SEC22C: variants seen among roughly 807,000 people sequenced by gnomAD.
The protein encoded by SEC22C is vesicle-trafficking protein SEC22c.
Under a neutral mutation model 34.7 loss-of-function variants are expected in SEC22C, and 29 were observed. The observed-to-expected ratio is 0.84, with a 90% CI of 0.62 to 1.14. SEC22C has a LOEUF of 1.14. Among genes scored for constraint, SEC22C ranks in the 50% most tolerant of loss-of-function variants. The pLI is 0.00. For missense variants in SEC22C, 337 were observed against 369.0 expected, an observed-to-expected ratio of 0.91 and a Z score of 0.71; for synonymous variants, 117 against 132.8, an observed-to-expected ratio of 0.88 and a Z score of 0.82.
chr3:42,559,319 T>G (rs7616701), intron 4 of SEC22C, among the ~76,000 whole-genome samples: 20,876 of 152,188 alleles, frequency 0.14, 1,830 homozygotes, highest in African/African-American at 0.24. Context: ...ATAGGGTAAA[T>G]CAAATCACAG....
intron 3 of SEC22C, among the ~76,000 whole-genome samples, chr3:42,562,150 A>G (rs1300562422): frequency 6.6e-6 from 1 of 152,258 alleles, no homozygotes; most frequent in Admixed American, 6.5e-5. Flanking sequence ...ACAAACTGGC[A>G]AAGCAAAATC....
chr3:42,560,242 T>C (rs974712828), intron 4 of SEC22C, among the ~76,000 whole-genome samples: 1 of 147,266 alleles, frequency 6.8e-6, no homozygotes, highest in Non-Finnish European at 1.5e-5. Flanking sequence ...AAGTAACTTA[T>C]AGAAAAAGAG....
Position 42,547,994 on chromosome 3 carries a change from G to A in SEC22C, c.*5254C>T, listed in dbSNP as rs1702075284. On this transcript the variant is annotated 3_prime_UTR_variant, in exon 7 of 7. Transcript: ENST00000264454. The stretch of plus-strand genomic sequence containing the variant: ...TTAATAAACACTTTAGATTTATTCT[G>A]CCATTTCTGAAGCCACCTCATTTAA... 1 of 152,224 alleles carries A rather than the reference G, an allele frequency of 6.6e-6. No individual in the cohort carries two copies. Among genetic ancestry groups the A allele is most frequent in the Non-Finnish European group, 1.5e-5 (1 of 68,102 alleles). The allele number at this position is 152,224 out of a possible 1,614,324, so 9.4% of individuals were successfully genotyped here.
chr3:42,600,939 CG>C, intron 1 of SEC22C: 1 of 1,254,938 alleles, frequency 8.0e-7, no homozygotes. Context: ...CCCTCGCCCC[CG>C]CCCTCGCCCC....
At chr3:42,554,945 C>T (rs929280734) in intron 6 of SEC22C, among the ~76,000 whole-genome samples, 4 of 151,932 alleles carry the variant, frequency 2.6e-5, no homozygotes, top group African/African-American at 4.8e-5. Flanking sequence ...TCCTAAAGAA[C>T]AGGTCTGAGT....
intron 1 of SEC22C, chr3:42,600,944 T>G: frequency 9.4e-7 from 1 of 1,068,940 alleles, no homozygotes; most frequent in Non-Finnish European, 1.3e-6. Flanking sequence ...GCCCCCGCCC[T>G]CGCCCCTGCC....
At position 42,565,116 on chromosome 3, in the gene SEC22C, T is replaced by C. The variant is rs149523648; in HGVS notation, c.183-1430A>G. Among the ~76,000 whole-genome samples, 1,138 of 152,304 alleles carry C rather than the reference T, an allele frequency of 7.5e-3. 5 individuals are homozygous for C. The highest frequency in any genetic ancestry group is 0.011 in the Non-Finnish European group (741 of 68,020). On this transcript the variant is annotated intron_variant, in intron 2 of 6. Coordinates refer to ENST00000264454, the MANE Select transcript of SEC22C (RefSeq NM_032970.4). ...AAGCCCAAACCAAGCTCCAATTTTA[T>C]GGTGACTGAATGCCAGGAGCCTCAC...
chr3:42,553,628 GT>G (rs1702360853), intron 6 of SEC22C, among the ~76,000 whole-genome samples, 180 bp from the exon 7 acceptor site: 1 of 152,204 alleles, frequency 6.6e-6, no homozygotes, highest in South Asian at 2.1e-4. Context: ...TTGGACGAAA[GT>G]GAGGATTTGG....
intron 1 of SEC22C, among the ~76,000 whole-genome samples, chr3:42,572,044 T>C (rs1012330600): frequency 6.6e-6 from 1 of 151,660 alleles, no homozygotes; most frequent in African/African-American, 2.4e-5. Context: ...AAAATAAAAA[T>C]AAAAATTCTG....
At chr3:42,555,436 C>T (rs1702476507) in intron 6 of SEC22C, among the ~76,000 whole-genome samples, 1 of 152,180 alleles carries the variant, frequency 6.6e-6, no homozygotes, top group African/African-American at 2.4e-5. Flanking sequence ...GTGATCCTCC[C>T]ACCTTGGCCT....
chr3:42,562,022 A>G (rs1702949764), intron 3 of SEC22C, among the ~76,000 whole-genome samples: 1 of 152,188 alleles, frequency 6.6e-6, no homozygotes, highest in Non-Finnish European at 1.5e-5. Flanking sequence ...TGAAAAAAAA[A>G]TACAAATGAA....
At chr3:42,553,529 T>G (rs1702354108) in intron 6 of SEC22C, 81 bp from the exon 7 acceptor site, 5 of 1,526,954 alleles carry the variant, frequency 3.3e-6, no homozygotes, top group Non-Finnish European at 4.4e-6. Flanking sequence ...TCCCACAGCT[T>G]CCATGAAGAG....
chr3:42,595,622 T>C (rs1227595199), intron 1 of SEC22C, among the ~76,000 whole-genome samples: 1 of 152,250 alleles, frequency 6.6e-6, no homozygotes, highest in Non-Finnish European at 1.5e-5. Context: ...TTTATCATTC[T>C]TTCTGACTTT....
In SEC22C at chr3:42,557,708, A is replaced by T; in HGVS notation, c.527-12T>A. ...TCGGAAATTAGGAGCTTCACAATGG[A>T]AAAAAAACAAGTGTCTAGTGTAAGT... On this transcript the variant is annotated splice_polypyrimidine_tract_variant and intron_variant, in intron 4 of 6. Coordinates refer to ENST00000264454, the MANE Select transcript of SEC22C (RefSeq NM_032970.4). The T allele has an allele frequency of 1.5e-6, 2 of 1,379,254 alleles. No individual in the cohort carries two copies. Among genetic ancestry groups the T allele is most frequent in the Non-Finnish European group, 2.1e-6 (2 of 975,206 alleles). The allele number at this position is 1,379,254 out of a possible 1,614,324, so 85.4% of individuals were successfully genotyped here. A position where few individuals can be genotyped will look rare whatever the true frequency, so the allele number is the denominator to read the frequency against.
chr3:42,591,201 C>CTTTTTTTT lies in SEC22C; in HGVS notation c.-28+9751_-28+9758dup, dbSNP rs71616053. The CTTTTTTTT allele has an allele frequency of 5.1e-3, 2,476 of 487,138 alleles. 7 individuals are homozygous for CTTTTTTTT. Among genetic ancestry groups the CTTTTTTTT allele is most frequent in the South Asian group, 0.013 (525 of 40,026 alleles). The allele number at this position is 487,138 out of a possible 1,614,324, so 30.2% of individuals were successfully genotyped here. On this transcript the variant is annotated intron_variant, in intron 1 of 6. Transcript: ENST00000417572. ...TCACACTGCACTAACCCTTTCTCTC[C>CTTTTTTTT]TTTTTTTTTTTTTTTTGAGACGGAG...
Position 42,549,713 on chromosome 3 carries a change from C to CT in SEC22C, c.*3534dup. ...CCTCCAGAGACTCCAGTTTCAGACTCTGTCTCCAGAGCTGGAATGTATAGG... is the reference window on the plus strand; with the variant it reads ...CCTCCAGAGACTCCAGTTTCAGACTCTTGTCTCCAGAGCTGGAATGTATAGG... On this transcript the variant is annotated 3_prime_UTR_variant, in exon 7 of 7. Coordinates refer to ENST00000264454, the MANE Select transcript of SEC22C (RefSeq NM_032970.4). The CT allele has an allele frequency of 1.0e-6, 1 of 985,530 alleles. No homozygotes were observed. Among genetic ancestry groups the CT allele is most frequent in the Non-Finnish European group, 1.2e-6 (1 of 829,974 alleles). 61.0% of individuals were successfully genotyped at this position (985,530 alleles called of 1,614,324 possible).
intron 1 of SEC22C, among the ~76,000 whole-genome samples, chr3:42,573,121 G>A (rs934629796): frequency 6.6e-6 from 1 of 151,810 alleles, no homozygotes; most frequent in African/African-American, 2.4e-5. Flanking sequence ...CAAAGTGGCG[G>A]GATTATAGGG....
At chr3:42,574,591 T>C (rs980497823) in intron 1 of SEC22C, among the ~76,000 whole-genome samples, 1 of 152,172 alleles carries the variant, frequency 6.6e-6, no homozygotes, top group Non-Finnish European at 1.5e-5. Flanking sequence ...AATGAAGCAA[T>C]AATTATGTCT....
intron 1 of SEC22C, chr3:42,594,373 T>C (rs769547793): frequency 3.4e-6 from 5 of 1,467,736 alleles, no homozygotes; most frequent in African/African-American, 2.8e-5. Flanking sequence ...TTTTTGTTCA[T>C]GGTCGGTAAA....
Sources: gnomAD v4.1 joint callset for allele counts (sites outside exome capture counted in the v4.1 genomes callset) on GRCh38, gnomAD v4.1.1 for gene constraint, MANE v1.5 for transcripts, NCBI Gene and HGNC (gene_info 2026-07-23, HGNC 2026-07-21) for gene names.